The following PCDHGB6 variants were observed in gnomAD, a reference collection of about 807,000 sequenced individuals.
PCDHGB6 encodes protocadherin gamma-B6.
PCDHGB6 carries 51 observed loss-of-function variants against 59.1 expected under a neutral mutation model. The ratio of observed to expected loss-of-function variants is 0.86; its 90% CI spans 0.69 to 1.09. The LOEUF (loss-of-function observed/expected upper bound fraction) is 1.09, where lower values mean the gene tolerates loss of function less well. PCDHGB6 is among the 50% of genes least tolerant of loss of function. The pLI is 0.00. For synonymous variants in PCDHGB6, 466 were observed against 495.1 expected (o/e 0.94, Z 0.78); for missense variants, 1,148 against 1,205.1 (o/e 0.95, Z 0.70).
Position 141,487,925 on chromosome 5 carries a change from C to T in PCDHGB6, c.2419-6882C>T. 4.8e-6 allele frequency: 3 copies of T among 629,734 alleles called. No homozygotes were observed. The highest frequency in any genetic ancestry group is 8.3e-6 in the Non-Finnish European group (3 of 362,440). 39.0% of individuals were successfully genotyped at this position (629,734 alleles called of 1,614,324 possible). On this transcript the variant is annotated intron_variant, in intron 1 of 3. Coordinates refer to ENST00000520790, the MANE Select transcript of PCDHGB6 (RefSeq NM_018926.3). The surrounding 1 kb of genome is among the most constrained non-coding windows in gnomAD (Gnocchi z 5.0). ...TGTGGGAGCACAGGAGGCTACAGTGCACAGGGTACAGTGCACCAGGCAGTC... is the reference window on the plus strand; with the variant it reads ...TGTGGGAGCACAGGAGGCTACAGTGTACAGGGTACAGTGCACCAGGCAGTC...
intron 1 of PCDHGB6, among the ~76,000 whole-genome samples, chr5:141,452,082 T>A (rs924362905): frequency 3.3e-5 from 5 of 152,240 alleles, no homozygotes; most frequent in Non-Finnish European, 7.3e-5. Context: ...GTTGGCATTA[T>A]ACAGTAAGAA....
Position 141,451,147 on chromosome 5 carries a change from A to G in PCDHGB6, c.2418+40527A>G, listed in dbSNP as rs2098708727. ...CCAGCCTTATGATTGTATTTAGACT[A>G]GACATTTTTTTGGTAGTATATTATT... On this transcript the variant is annotated intron_variant, in intron 1 of 3. Coordinates refer to ENST00000520790, the MANE Select transcript of PCDHGB6 (RefSeq NM_018926.3). Among the ~76,000 whole-genome samples, 3 of 152,250 alleles carry G rather than the reference A, an allele frequency of 2.0e-5. No homozygotes were observed. In the South Asian group the frequency reaches 6.2e-4, roughly 32 times the overall value.
In PCDHGB6 at chr5:141,408,496, G is replaced by C. The variant is rs758752081; in HGVS notation, c.294G>C (p.Glu98Asp). Residue 98 changes from glutamate to aspartate, a missense_variant, in exon 1 of 4, where the codon GAG becomes GAC. This residue lies in a region of PCDHGB6 where 307 missense variants were observed against 323.8 expected (regional missense o/e 0.95). Coordinates refer to ENST00000520790, the MANE Select transcript of PCDHGB6 (RefSeq NM_018926.3). ...NRIDREQICK[E>D]RRRCELQLEA... The stretch of plus-strand genomic sequence containing the variant: ...TAGACCGTGAGCAAATATGCAAAGA[G>C]AGAAGAAGATGTGAGTTGCAATTGG... 21 of 1,613,960 alleles carry C rather than the reference G, an allele frequency of 1.3e-5. No individual in the cohort carries two copies. In the East Asian group the frequency reaches 1.3e-4, roughly 10 times the overall value.
chr5:141,476,697 C>T lies in PCDHGB6; in HGVS notation c.2419-18110C>T, dbSNP rs758302668. The T allele has an allele frequency of 2.5e-6, 4 of 1,614,110 alleles. No individual in the cohort carries two copies. The highest frequency in any genetic ancestry group is 2.2e-5 in the South Asian group (2 of 91,088). The stretch of plus-strand genomic sequence containing the variant: ...ACGCGGGAGGACAGCACCAAGTACG[C>T]GGAGCTGGTGTTGGAGCGCGCCCTG... On this transcript the variant is annotated intron_variant, in intron 1 of 3. Coordinates refer to ENST00000520790, the MANE Select transcript of PCDHGB6 (RefSeq NM_018926.3). The surrounding 1 kb of genome is among the most constrained non-coding windows in gnomAD (Gnocchi z 7.6).
intron 1 of PCDHGB6, among the ~76,000 whole-genome samples, chr5:141,438,585 TACATAC>T (rs201018754): frequency 0.16 from 9,805 of 59,734 alleles, 612 homozygotes; most frequent in African/African-American, 0.28. Context: ...CATACATACA[TACATAC>T]ATATATATAT....
intron 1 of PCDHGB6, among the ~76,000 whole-genome samples, chr5:141,435,568 A>C (rs564789030): frequency 8.7e-4 from 132 of 152,274 alleles, no homozygotes; most frequent in Middle Eastern, 6.8e-3. Context: ...TTTTTTTAGT[A>C]CTGGGGCAAA....
intron 1 of PCDHGB6, chr5:141,422,893 C>A (rs1405800318): frequency 4.3e-6 from 7 of 1,614,246 alleles, no homozygotes; most frequent in Non-Finnish European, 5.9e-6. Context: ...CGTGCTGGAC[C>A]AGAACGACAA....
chr5:141,447,516 A>G (rs997127013), intron 1 of PCDHGB6, among the ~76,000 whole-genome samples: 1 of 152,220 alleles, frequency 6.6e-6, no homozygotes, highest in African/African-American at 2.4e-5. Flanking sequence ...ATGCATAACA[A>G]TCATAACAAA....
intron 1 of PCDHGB6, chr5:141,415,863 G>T (rs1321470910): frequency 2.7e-5 from 30 of 1,107,154 alleles, no homozygotes; most frequent in Non-Finnish European, 3.6e-5. Context: ...GTAGTTTATA[G>T]TGTTGTTGAG....
Position 141,491,763 on chromosome 5 carries a change from T to A in PCDHGB6, c.2419-3044T>A. 1 of 1,570,222 alleles carries A rather than the reference T, an allele frequency of 6.4e-7. No individual in the cohort carries two copies. The highest frequency in any genetic ancestry group is 8.6e-7 in the Non-Finnish European group (1 of 1,159,286). On this transcript the variant is annotated intron_variant, in intron 1 of 3. Transcript: ENST00000520790. This position sits in a 1 kb window ranked among gnomAD's most constrained non-coding sequence, Gnocchi z 6.9. ...GCGGCACTGGAGAAGCCGCCCGTCC[T>A]CATAAGGGATTGAACTTGCATCCAC... is the stretch of plus-strand genomic sequence containing the variant.
At chr5:141,510,682 GA>G (rs1303501817) in intron 3 of PCDHGB6, among the ~76,000 whole-genome samples, 6 of 152,154 alleles carry the variant, frequency 3.9e-5, no homozygotes, top group Non-Finnish European at 8.8e-5. Flanking sequence ...GTGGCATAAG[GA>G]GGTTAGGTAG....
intron 1 of PCDHGB6, among the ~76,000 whole-genome samples, chr5:141,438,587 C>CATAT (rs1372372472): frequency 2.7e-5 from 2 of 73,430 alleles, no homozygotes; most frequent in Non-Finnish European, 5.2e-5. Context: ...TACATACATA[C>CATAT]ATACATATAT....
intron 1 of PCDHGB6, chr5:141,423,496 G>A (rs1049120602): frequency 1.2e-6 from 2 of 1,613,804 alleles, no homozygotes; most frequent in African/African-American, 1.3e-5. Flanking sequence ...CTATTCCCAC[G>A]AGGTCTCTCT....
Position 141,476,676 on chromosome 5 carries a change from G to T in PCDHGB6, c.2419-18131G>T. 1.2e-6 allele frequency: 2 copies of T among 1,614,222 alleles called. No individual in the cohort carries two copies. The highest frequency in any genetic ancestry group is 1.7e-6 in the Non-Finnish European group (2 of 1,180,054). ...TACTTTGCGCTTCGCGTGCAGACGC[G>T]GGAGGACAGCACCAAGTACGCGGAG... On this transcript the variant is annotated intron_variant, in intron 1 of 3. Transcript: ENST00000520790. The surrounding 1 kb of genome is among the most constrained non-coding windows in gnomAD (Gnocchi z 7.6).
intron 2 of PCDHGB6, among the ~76,000 whole-genome samples, chr5:141,495,725 C>G (rs1339925752): frequency 1.3e-5 from 2 of 151,986 alleles, no homozygotes; most frequent in African/African-American, 4.8e-5. Flanking sequence ...TACACGGGAC[C>G]CTTAGTCTCT....
intron 1 of PCDHGB6, among the ~76,000 whole-genome samples, chr5:141,483,517 CCTGA>C (rs72004558): frequency 0.16 from 24,470 of 151,950 alleles, 2,064 homozygotes; most frequent in African/African-American, 0.21. Context: ...CCCCCTAGAT[CCTGA>C]CTAAGGAAGC....
intron 1 of PCDHGB6, among the ~76,000 whole-genome samples, chr5:141,450,099 C>T (rs2098669229): frequency 6.6e-6 from 1 of 151,500 alleles, no homozygotes; most frequent in African/African-American, 2.4e-5. Flanking sequence ...CTCCGCCTCC[C>T]AGGTTCAAAT....
At chr5:141,506,432 C>A (rs2099853359) in intron 3 of PCDHGB6, among the ~76,000 whole-genome samples, 1 of 132,482 alleles carries the variant, frequency 7.5e-6, no homozygotes, top group Non-Finnish European at 1.6e-5. Context: ...GGGCAACAGT[C>A]TCGCTCTGTC....
chr5:141,488,837 C>A (rs550655328), intron 1 of PCDHGB6, among the ~76,000 whole-genome samples: 1 of 152,280 alleles, frequency 6.6e-6, no homozygotes, highest in African/African-American at 2.4e-5. Context: ...GCCAAGGGGG[C>A]TGAATCAACC....
Sources: gnomAD v4.1 joint callset for allele counts (sites outside exome capture counted in the v4.1 genomes callset) on GRCh38, gnomAD v4.1.1 for gene constraint, gnomAD v4.1.1 regional missense constraint, Gnocchi (gnomAD v3.1) non-coding constraint, MANE v1.5 for transcripts, NCBI Gene and HGNC (gene_info 2026-07-23, HGNC 2026-07-21) for gene names.